The following SPATA16 variants were observed in gnomAD, a reference collection of about 807,000 sequenced individuals.
SPATA16 encodes spermatogenesis-associated protein 16.
In SPATA16, 36 loss-of-function variants were observed where a neutral mutation model predicts 63.3. The ratio of observed to expected loss-of-function variants is 0.57; its 90% CI spans 0.44 to 0.75. The LOEUF (loss-of-function observed/expected upper bound fraction) is 0.75. Among genes scored for constraint, SPATA16 ranks in the 30% least tolerant of loss-of-function variants. The pLI is 0.00. For missense variants in SPATA16, 646 were observed against 679.3 expected, an observed-to-expected ratio of 0.95 and a Z score of 0.54; for synonymous variants, 203 against 216.7, an observed-to-expected ratio of 0.94 and a Z score of 0.56.
intron 6 of SPATA16, among the ~76,000 whole-genome samples, chr3:172,933,706 A>C (rs368617994): frequency 1.3e-5 from 2 of 152,310 alleles, no homozygotes; most frequent in East Asian, 3.9e-4. Flanking sequence ...TCTTCAAGTT[A>C]TGTAAATCAG....
At chr3:172,962,235 C>T (rs951095274) in intron 5 of SPATA16, among the ~76,000 whole-genome samples, 2 of 108,548 alleles carry the variant, frequency 1.8e-5, no homozygotes, top group African/African-American at 7.5e-5. Flanking sequence ...GCCTGGGCAA[C>T]AGAGCAAGAC....
At chr3:173,010,751 T>A (rs947019494) in intron 4 of SPATA16, among the ~76,000 whole-genome samples, 1 of 152,012 alleles carries the variant, frequency 6.6e-6, no homozygotes, top group African/African-American at 2.4e-5. Flanking sequence ...TCAAAGTACT[T>A]CCGAAAATCG....
At chr3:172,930,751 G>A (rs969938842) in intron 6 of SPATA16, among the ~76,000 whole-genome samples, 1 of 151,908 alleles carries the variant, frequency 6.6e-6, no homozygotes, top group Non-Finnish European at 1.5e-5. Context: ...TAGAGATGGG[G>A]TTATGTTAGC....
At chr3:172,896,152 A>G (rs891070037) in intron 10 of SPATA16, among the ~76,000 whole-genome samples, 3 of 152,122 alleles carry the variant, frequency 2.0e-5, no homozygotes, top group African/African-American at 7.2e-5. Flanking sequence ...GGGTCTGCCA[A>G]ATATCTCAAG....
chr3:172,998,081 C>T (rs920429264), intron 4 of SPATA16, among the ~76,000 whole-genome samples: 1 of 152,030 alleles, frequency 6.6e-6, no homozygotes, highest in African/African-American at 2.4e-5. Flanking sequence ...TGAAATAACA[C>T]TGAAATTTTG....
At chr3:173,042,076 T>C (rs927001707) in intron 3 of SPATA16, among the ~76,000 whole-genome samples, 1 of 152,190 alleles carries the variant, frequency 6.6e-6, no homozygotes, top group African/African-American at 2.4e-5. Context: ...CGGGTATCTG[T>C]AATGCTTTAA....
At chr3:172,895,461 G>A (rs978982125) in intron 10 of SPATA16, among the ~76,000 whole-genome samples, 7 of 151,970 alleles carry the variant, frequency 4.6e-5, no homozygotes, top group Admixed American at 1.3e-4. Flanking sequence ...TCAGCATCCC[G>A]AGTAGCTGGG....
chr3:173,140,640 G>A (rs1738687344), intron 1 of SPATA16, among the ~76,000 whole-genome samples: 1 of 152,138 alleles, frequency 6.6e-6, no homozygotes, highest in South Asian at 2.1e-4. Flanking sequence ...ATGCGTTAAG[G>A]AGACAACAAC....
chr3:173,019,663 A>C (rs1385036872), intron 3 of SPATA16, 88 bp from the exon 4 acceptor site: 18 of 1,181,898 alleles, frequency 1.5e-5, no homozygotes, highest in Non-Finnish European at 2.3e-5. Context: ...ACAGGCATTC[A>C]ATTTTATATA....
In SPATA16 at chr3:172,944,066, A is replaced by C. The variant is rs78676998; in HGVS notation, c.1081+12611T>G. The stretch of plus-strand genomic sequence containing the variant: ...ATTAACAGTCATGGAAATGCAGTGA[A>C]AAGGCAACCTATAGAATGGGAGGAA... On this transcript the variant is annotated intron_variant, in intron 6 of 10. Coordinates refer to ENST00000351008, the MANE Select transcript of SPATA16 (RefSeq NM_031955.6). Among the ~76,000 whole-genome samples, 1,512 of 152,348 alleles carry C rather than the reference A, an allele frequency of 9.9e-3. 19 individuals are homozygous for C. Among genetic ancestry groups the C allele is most frequent in the African/African-American group, 0.029 (1,218 of 41,570 alleles).
chr3:173,041,607 A>G (rs1204255262), intron 3 of SPATA16, among the ~76,000 whole-genome samples: 2 of 152,108 alleles, frequency 1.3e-5, no homozygotes, highest in Non-Finnish European at 2.9e-5. Flanking sequence ...AGTAGCCTAT[A>G]TATTTGTTCA....
At chr3:172,947,595 C>G (rs544144563) in intron 6 of SPATA16, among the ~76,000 whole-genome samples, 3 of 151,046 alleles carry the variant, frequency 2.0e-5, no homozygotes, top group African/African-American at 7.4e-5. Context: ...GAATACTATG[C>G]AGCCATAAAA....
At chr3:173,039,528 A>G (rs1365240094) in intron 3 of SPATA16, among the ~76,000 whole-genome samples, 1 of 152,164 alleles carries the variant, frequency 6.6e-6, no homozygotes, top group Admixed American at 6.6e-5. Context: ...TTTCATAACA[A>G]TACCACTCCA....
intron 2 of SPATA16, among the ~76,000 whole-genome samples, chr3:173,098,918 T>C (rs1737423340): frequency 6.6e-6 from 1 of 152,158 alleles, no homozygotes; most frequent in African/African-American, 2.4e-5. Flanking sequence ...CAGATCACAA[T>C]GTTCTTTCAA....
intron 1 of SPATA16, among the ~76,000 whole-genome samples, chr3:173,123,159 C>G (rs993484725): frequency 4.6e-5 from 7 of 152,178 alleles, no homozygotes; most frequent in Non-Finnish European, 5.9e-5. Context: ...GCAAAATAAA[C>G]CATCCAGTGT....
intron 2 of SPATA16, among the ~76,000 whole-genome samples, chr3:173,076,759 A>C: frequency 6.6e-6 from 1 of 152,132 alleles, no homozygotes; most frequent in East Asian, 1.9e-4. Flanking sequence ...TTTCAGGAAA[A>C]ATGTCAGTAT....
chr3:173,074,573 A>C (rs7612125), intron 2 of SPATA16, among the ~76,000 whole-genome samples: 28,118 of 151,680 alleles, frequency 0.19, 2,956 homozygotes, highest in African/African-American at 0.29. Context: ...TGATTGTGAG[A>C]CCCCTGTCCC....
At chr3:172,941,193 G>C (rs1452107403) in intron 6 of SPATA16, among the ~76,000 whole-genome samples, 1 of 152,080 alleles carries the variant, frequency 6.6e-6, no homozygotes, top group Non-Finnish European at 1.5e-5. Flanking sequence ...AATTTAATAA[G>C]CAGCCTCAAT....
chr3:173,019,878 A>T lies in SPATA16; in HGVS notation c.759-303T>A, dbSNP rs541878279. 2.7e-5 allele frequency among the ~76,000 whole-genome samples: 4 copies of T among 149,244 alleles called. No homozygotes were observed. In the South Asian group the frequency reaches 8.5e-4, roughly 32 times the overall value. On this transcript the variant is annotated intron_variant, in intron 3 of 10. Coordinates refer to ENST00000351008, the MANE Select transcript of SPATA16 (RefSeq NM_031955.6). ...TATGTTACATATAAGACATGGTGCT[A>T]TTTTATTTGTTTTTAAATGAATTTT...
Sources: gnomAD v4.1 joint callset for allele counts (sites outside exome capture counted in the v4.1 genomes callset) on GRCh38, gnomAD v4.1.1 for gene constraint, MANE v1.5 for transcripts, NCBI Gene and HGNC (gene_info 2026-07-23, HGNC 2026-07-21) for gene names.